The following NEGR1 variants were observed in gnomAD, a reference collection of about 807,000 sequenced individuals.
The protein encoded by NEGR1 is IgLON family member 4.
Under a neutral mutation model 40.9 loss-of-function variants are expected in NEGR1, and 10 were observed. The observed-to-expected ratio is 0.24, with a 90% CI of 0.15 to 0.42. NEGR1 has a LOEUF of 0.42. Among genes scored for constraint, NEGR1 ranks in the 10% least tolerant of loss-of-function variants. The probability of loss-of-function intolerance (pLI) is 1.00; values close to 1 mark genes in which losing one functional copy is unlikely to be tolerated. For missense variants in NEGR1, 352 were observed against 438.9 expected (o/e 0.80, Z 1.77); for synonymous variants, 185 against 166.8 (o/e 1.11, Z -0.84).
At position 72,099,886 on chromosome 1, in the gene NEGR1, CATAT is replaced by C. The variant is rs113672812; in HGVS notation, c.177-164579_177-164576del. Among the ~76,000 whole-genome samples the C allele has an allele frequency of 2.4e-3, 358 of 149,024 alleles. 2 individuals are homozygous for C. The highest frequency in any genetic ancestry group is 8.5e-3 in the African/African-American group (346 of 40,886). ...ACATTATATATACTCTCTCTCTCTC[CATAT>C]ATATATATATACACACACACACATA... On this transcript the variant is annotated intron_variant, in intron 1 of 6. Coordinates refer to ENST00000357731, the MANE Select transcript of NEGR1 (RefSeq NM_173808.3).
At chr1:72,135,946 C>T (rs1381676338) in intron 1 of NEGR1, among the ~76,000 whole-genome samples, 3 of 152,012 alleles carry the variant, frequency 2.0e-5, no homozygotes, top group Non-Finnish European at 4.4e-5. Context: ...ATAATTTGCC[C>T]AAGATTGAAC....
intron 2 of NEGR1, among the ~76,000 whole-genome samples, chr1:71,912,881 T>G (rs943916239): frequency 2.0e-5 from 3 of 152,142 alleles, no homozygotes; most frequent in Non-Finnish European, 4.4e-5. Context: ...TATTTGAACA[T>G]TTTCATGCAT....
intron 2 of NEGR1, among the ~76,000 whole-genome samples, chr1:71,848,501 T>G (rs1214508371): frequency 6.6e-6 from 1 of 152,152 alleles, no homozygotes; most frequent in Non-Finnish European, 1.5e-5. Context: ...TTAAGAATTA[T>G]GCTAAATCTA....
At chr1:71,966,040 G>A (rs1646207034) in intron 1 of NEGR1, among the ~76,000 whole-genome samples, 1 of 152,104 alleles carries the variant, frequency 6.6e-6, no homozygotes, top group African/African-American at 2.4e-5. Flanking sequence ...CATTGATGTA[G>A]AATGTTAATA....
intron 3 of NEGR1, among the ~76,000 whole-genome samples, chr1:71,734,768 C>T (rs1324325059): frequency 6.6e-6 from 1 of 152,102 alleles, no homozygotes; most frequent in Admixed American, 6.6e-5. Flanking sequence ...TCATTAAATT[C>T]ATCAGTGCCC....
intron 2 of NEGR1, among the ~76,000 whole-genome samples, chr1:71,837,258 T>C (rs1570414252): frequency 6.6e-6 from 1 of 152,206 alleles, no homozygotes; most frequent in South Asian, 2.1e-4. Context: ...TGCCTGACAC[T>C]ATTCTAGGCA....
intron 1 of NEGR1, among the ~76,000 whole-genome samples, chr1:71,970,659 C>T (rs1046592160): frequency 1.3e-5 from 2 of 151,992 alleles, no homozygotes; most frequent in African/African-American, 4.8e-5. Context: ...CTGCAATCCA[C>T]CCTGGGCAAC....
At chr1:72,026,989 G>C (rs761535549) in intron 1 of NEGR1, among the ~76,000 whole-genome samples, 46 of 151,894 alleles carry the variant, frequency 3.0e-4, no homozygotes, top group Non-Finnish European at 5.0e-4. Flanking sequence ...GCAGTGGCGC[G>C]ATCTGGGCTC....
At chr1:71,810,026 A>G (rs1053250225) in intron 2 of NEGR1, among the ~76,000 whole-genome samples, 2 of 152,154 alleles carry the variant, frequency 1.3e-5, no homozygotes, top group African/African-American at 4.8e-5. Flanking sequence ...TGGTTGATCC[A>G]GATGAAGTTG....
chr1:71,535,183 C>T (rs1647476087), intron 6 of NEGR1, among the ~76,000 whole-genome samples: 1 of 151,562 alleles, frequency 6.6e-6, no homozygotes, highest in African/African-American at 2.4e-5. Context: ...GATGGGAAAA[C>T]TAAATTTAAT....
At chr1:71,408,472 A>G (rs1327247571) in intron 6 of NEGR1, among the ~76,000 whole-genome samples, 1 of 152,080 alleles carries the variant, frequency 6.6e-6, no homozygotes. Context: ...GTACTTGGCT[A>G]ACAGTCATGT....
At chr1:72,215,556 T>C (rs1372823989) in intron 1 of NEGR1, among the ~76,000 whole-genome samples, 1 of 152,030 alleles carries the variant, frequency 6.6e-6, no homozygotes, top group African/African-American at 2.4e-5. Context: ...GCAAAGGATA[T>C]GAATAGACAC....
intron 2 of NEGR1, among the ~76,000 whole-genome samples, chr1:71,913,775 T>G (rs1416409536): frequency 6.6e-6 from 1 of 152,060 alleles, no homozygotes; most frequent in African/African-American, 2.4e-5. Context: ...AGAGCTTCCA[T>G]TTCTGAATTC....
intron 6 of NEGR1, among the ~76,000 whole-genome samples, chr1:71,413,057 T>G (rs1404833669): frequency 6.6e-6 from 1 of 152,080 alleles, no homozygotes; most frequent in East Asian, 1.9e-4. Context: ...ATGACATTGG[T>G]TCAAGTTCCA....
At position 72,141,923 on chromosome 1, in the gene NEGR1, G is replaced by A. The variant is rs553732902; in HGVS notation, c.176+140396C>T. ...TAGAAGTTTTACCCAGTGTCATGAA[G>A]GTAATAATTAACAATTTATAGCAAA... On this transcript the variant is annotated intron_variant, in intron 1 of 6. Coordinates refer to ENST00000357731, the MANE Select transcript of NEGR1 (RefSeq NM_173808.3). Among the ~76,000 whole-genome samples the A allele has an allele frequency of 5.9e-5, 9 of 151,732 alleles. No homozygotes were observed. The South Asian group carries it at 1.7e-3, about 28-fold the overall frequency.
rs139607085 is a variant in NEGR1, at chr1:71,824,844, T to C, written c.410-48547A>G. 1.3e-3 allele frequency among the ~76,000 whole-genome samples: 201 copies of C among 152,128 alleles called. 1 individual carries two copies. Among genetic ancestry groups the C allele is most frequent in the Middle Eastern group, 6.8e-3 (2 of 294 alleles). Reference sequence around the variant, plus strand: ...TGTGTCGTTGATTTATTCTTAGTTATTACTGATTATATAATAGTCCAATAC... The same window carrying C: ...TGTGTCGTTGATTTATTCTTAGTTACTACTGATTATATAATAGTCCAATAC... On this transcript the variant is annotated intron_variant, in intron 2 of 6. Coordinates refer to ENST00000357731, the MANE Select transcript of NEGR1 (RefSeq NM_173808.3).
chr1:71,715,886 G>T (rs574919367), intron 3 of NEGR1, among the ~76,000 whole-genome samples: 10 of 151,900 alleles, frequency 6.6e-5, no homozygotes, highest in Non-Finnish European at 1.0e-4. Flanking sequence ...TCCAGCCTCC[G>T]CCTGTTACCC....
At chr1:71,964,185 C>T (rs920553122) in intron 1 of NEGR1, among the ~76,000 whole-genome samples, 3 of 152,178 alleles carry the variant, frequency 2.0e-5, no homozygotes, top group Admixed American at 2.0e-4. Context: ...GACCACATCG[C>T]CCATGCCACA....
chr1:71,427,623 ATG>A lies in NEGR1; in HGVS notation c.941-20055_941-20054del, dbSNP rs565410937. Among the ~76,000 whole-genome samples the A allele has an allele frequency of 2.2e-3, 329 of 152,340 alleles. 1 individual carries two copies. Among genetic ancestry groups the A allele is most frequent in the African/African-American group, 7.5e-3 (310 of 41,594 alleles). The stretch of plus-strand genomic sequence containing the variant: ...ATAGTATTTCCTGCACCTTTAAAAA[ATG>A]AGAGTAAGAAAAACAAACTCTCTTG... On this transcript the variant is annotated intron_variant, in intron 6 of 6. Coordinates refer to ENST00000357731, the MANE Select transcript of NEGR1 (RefSeq NM_173808.3).
Sources: allele counts gnomAD v4.1 joint callset (sites outside exome capture counted in the v4.1 genomes callset), GRCh38; gene constraint gnomAD v4.1.1; transcripts MANE v1.5; gene names NCBI Gene and HGNC (gene_info 2026-07-23, HGNC 2026-07-21).